ANKRD22: variants seen among roughly 807,000 people sequenced by gnomAD.
ANKRD22 encodes the protein ankyrin repeat domain-containing protein 22.
In ANKRD22, 24 loss-of-function variants were observed where a neutral mutation model predicts 25.7. The ratio of observed to expected loss-of-function variants is 0.93; its 90% CI spans 0.68 to 1.31. The LOEUF (loss-of-function observed/expected upper bound fraction) is 1.31, where lower values mean the gene tolerates loss of function less well. Among genes scored for constraint, ANKRD22 ranks in the 50% most tolerant of loss-of-function variants. ANKRD22 has a pLI of 0.00. For missense variants in ANKRD22, 214 were observed against 227.1 expected, an observed-to-expected ratio of 0.94 and a Z score of 0.37; for synonymous variants, 84 against 84.3, an observed-to-expected ratio of 1.00 and a Z score of 0.02.
In ANKRD22 at chr10:88,820,424, A is replaced by G; in HGVS notation, c.*2517T>C. 6.4e-7 allele frequency: 1 copy of G among 1,552,102 alleles called. No individual in the cohort carries two copies. Among genetic ancestry groups the G allele is most frequent in the Non-Finnish European group, 8.7e-7 (1 of 1,147,036 alleles). ...CTGGGGTTTGGATGCTCCTCACCGT[A>G]TGTACAATGAAATCATCCATCTGAT... is the stretch of plus-strand genomic sequence containing the variant. On this transcript the variant is annotated 3_prime_UTR_variant, in exon 6 of 6. Coordinates refer to ENST00000371930, the MANE Select transcript of ANKRD22 (RefSeq NM_144590.3).
chr10:88,825,568 G>C (rs1843847799), intron 4 of ANKRD22, among the ~76,000 whole-genome samples: 1 of 152,204 alleles, frequency 6.6e-6, no homozygotes, highest in South Asian at 2.1e-4. Context: ...ACTACATTCT[G>C]AGCATGTGCT....
At chr10:88,842,829 TGTG>T (rs1008677010) in intron 1 of ANKRD22, among the ~76,000 whole-genome samples, 47 of 152,274 alleles carry the variant, frequency 3.1e-4, no homozygotes, top group African/African-American at 1.1e-3. Flanking sequence ...CACATTGTAA[TGTG>T]GTAATAATAG....
intron 1 of ANKRD22, 25 bp from the exon 2 acceptor site, chr10:88,832,051 G>A (rs768741256): frequency 6.4e-7 from 1 of 1,571,056 alleles, no homozygotes; most frequent in Non-Finnish European, 8.6e-7. Flanking sequence ...ACAAAAGCAG[G>A]TTTTGAAATA....
In ANKRD22 at chr10:88,822,980, T is replaced by C; in HGVS notation, c.537A>G (p.Lys179=). 1.9e-6 allele frequency: 3 copies of C among 1,613,422 alleles called. No individual in the cohort carries two copies. The highest frequency in any genetic ancestry group is 2.2e-5 in the East Asian group (1 of 44,846). The change falls in exon 6 of 6, where the codon AAA becomes AAG. Residue 179 remains lysine, a synonymous_variant. Coordinates refer to ENST00000371930, the MANE Select transcript of ANKRD22 (RefSeq NM_144590.3). The part of the protein sequence containing the change: ...ESSLDIARRL[K]FSQIELMLRK... ...TTAGCATTAATTCAATCTGGGAAAATTTTAATCTCCGTGCAATATCCAGTG... is the reference window on the plus strand; with the variant it reads ...TTAGCATTAATTCAATCTGGGAAAACTTTAATCTCCGTGCAATATCCAGTG...
At chr10:88,844,999 G>T (rs1000573694) in intron 1 of ANKRD22, among the ~76,000 whole-genome samples, 8 of 151,968 alleles carry the variant, frequency 5.3e-5, no homozygotes, top group African/African-American at 1.9e-4. Context: ...ATACATTCCT[G>T]CTGTGGGCTC....
chr10:88,832,553 CTTTACT>C (rs1210948935), intron 1 of ANKRD22, among the ~76,000 whole-genome samples: 1 of 150,526 alleles, frequency 6.6e-6, no homozygotes, highest in Admixed American at 6.6e-5. Context: ...TTATCTTTAT[CTTTACT>C]AAAGATAAAA....
chr10:88,846,192 A>G (rs1844046918), intron 1 of ANKRD22, among the ~76,000 whole-genome samples: 1 of 151,662 alleles, frequency 6.6e-6, no homozygotes, highest in Non-Finnish European at 1.5e-5. Context: ...AAGTCACTTT[A>G]TTTATAATAC....
At chr10:88,836,299 T>C (rs910206454) in intron 1 of ANKRD22, among the ~76,000 whole-genome samples, 3 of 152,216 alleles carry the variant, frequency 2.0e-5, no homozygotes, top group South Asian at 2.1e-4. Context: ...TGATTCATCA[T>C]TGTACCCCCA....
At position 88,821,927 on chromosome 10, in the gene ANKRD22, TC is replaced by T. The variant is rs576416877; in HGVS notation, c.*1013del. On this transcript the variant is annotated 3_prime_UTR_variant, in exon 6 of 6. Transcript: ENST00000371930. The stretch of plus-strand genomic sequence containing the variant: ...CTCTCACTTAGACAAATAATCCAGA[TC>T]CTACCTCATTGTATAGCTCTGTTTC... Among the ~76,000 whole-genome samples the T allele has an allele frequency of 2.2e-4, 34 of 152,344 alleles. No homozygotes were observed. The highest frequency in any genetic ancestry group is 4.0e-4 in the Non-Finnish European group (27 of 68,020).
At chr10:88,832,411 C>A (rs1409067615) in intron 1 of ANKRD22, among the ~76,000 whole-genome samples, 3 of 149,118 alleles carry the variant, frequency 2.0e-5, no homozygotes, top group Non-Finnish European at 4.4e-5. Context: ...TTACTAAAGA[C>A]AAAATACCTT....
intron 1 of ANKRD22, among the ~76,000 whole-genome samples, chr10:88,848,300 GAATA>G (rs1236845182): frequency 1.3e-5 from 2 of 151,512 alleles, no homozygotes; most frequent in Non-Finnish European, 1.5e-5. Context: ...ATGGGTGAAT[GAATA>G]AATAAATAAA....
intron 1 of ANKRD22, among the ~76,000 whole-genome samples, chr10:88,849,491 T>G (rs1209817655): frequency 1.3e-5 from 2 of 152,102 alleles, no homozygotes; most frequent in African/African-American, 2.4e-5. Context: ...TTTGAATGAG[T>G]AAACACAGGA....
At chr10:88,825,467 T>C (rs74858800) in intron 4 of ANKRD22, among the ~76,000 whole-genome samples, 404 of 152,374 alleles carry the variant, frequency 2.7e-3, no homozygotes, top group Non-Finnish European at 4.8e-3. Context: ...TTGACCTTTG[T>C]CTTATTTATC....
chr10:88,837,013 TC>T (rs1843960347), intron 1 of ANKRD22, among the ~76,000 whole-genome samples: 1 of 152,132 alleles, frequency 6.6e-6, no homozygotes, highest in South Asian at 2.1e-4. Flanking sequence ...GGAATTGTAG[TC>T]AGTTTGGCAG....
chr10:88,836,267 T>C (rs1316782576), intron 1 of ANKRD22, among the ~76,000 whole-genome samples: 1 of 152,212 alleles, frequency 6.6e-6, no homozygotes, highest in African/African-American at 2.4e-5. Context: ...TGTGACTACA[T>C]GAGGCTACAT....
At chr10:88,830,974 T>C (rs1204930655) in intron 2 of ANKRD22, among the ~76,000 whole-genome samples, 1 of 152,150 alleles carries the variant, frequency 6.6e-6, no homozygotes, top group Non-Finnish European at 1.5e-5. Context: ...ATAGTAAGCA[T>C]AAATAAAAAA....
At position 88,826,919 on chromosome 10, in the gene ANKRD22, G is replaced by A. The variant is rs187551156; in HGVS notation, c.322-804C>T. Among the ~76,000 whole-genome samples the A allele has an allele frequency of 2.6e-4, 40 of 152,296 alleles. 1 individual carries two copies. The East Asian group carries it at 6.7e-3, about 26-fold the overall frequency. The stretch of plus-strand genomic sequence containing the variant: ...TTGTGTCCCTAACAGCTAGCACAGC[G>A]TCTGGCACATAGTAGGTCCATAATA... On this transcript the variant is annotated intron_variant, in intron 3 of 5. Transcript: ENST00000371930.
At position 88,822,440 on chromosome 10, in the gene ANKRD22, G is replaced by A. The variant is rs1264845661; in HGVS notation, c.*501C>T. On this transcript the variant is annotated 3_prime_UTR_variant, in exon 6 of 6. Coordinates refer to ENST00000371930, the MANE Select transcript of ANKRD22 (RefSeq NM_144590.3). The stretch of plus-strand genomic sequence containing the variant: ...GTCTCCTAGGGCATGACATAGACTG[G>A]ACAGTCTTTTTATAAGAGTGATACA... 7 of 152,706 alleles carry A rather than the reference G, an allele frequency of 4.6e-5. No individual in the cohort carries two copies. In the Admixed American group the frequency reaches 4.6e-4, roughly 10 times the overall value. The allele number at this position is 152,706 out of a possible 1,614,324, so 9.5% of individuals were successfully genotyped here.
At chr10:88,832,068 T>A (rs747956758) in intron 1 of ANKRD22, 42 bp from the exon 2 acceptor site, 2 of 1,538,112 alleles carry the variant, frequency 1.3e-6, no homozygotes, top group African/African-American at 2.8e-5. Flanking sequence ...AATACTGGCA[T>A]AATTAAACCA....
Sources: gnomAD v4.1 joint callset for allele counts (sites outside exome capture counted in the v4.1 genomes callset) on GRCh38, gnomAD v4.1.1 for gene constraint, MANE v1.5 for transcripts, NCBI Gene and HGNC (gene_info 2026-07-23, HGNC 2026-07-21) for gene names.